SAMD4A: variants seen among roughly 807,000 people sequenced by gnomAD.
SAMD4A encodes the protein sterile alpha motif domain containing 4A.
SAMD4A carries 33 observed loss-of-function variants against 81.3 expected under a neutral mutation model. That is an observed-to-expected ratio of 0.41 (90% confidence interval 0.31 to 0.54). The LOEUF is 0.54. Ranked by LOEUF, SAMD4A falls within the 20% of genes least tolerant of loss-of-function variation. SAMD4A has a pLI of 0.37. For missense variants in SAMD4A, 854 were observed against 951.1 expected (o/e 0.90, Z 1.34); for synonymous variants, 389 against 382.1 (o/e 1.02, Z -0.21).
At chr14:54,579,849 C>G (rs2033415042) in intron 2 of SAMD4A, among the ~76,000 whole-genome samples, 1 of 152,184 alleles carries the variant, frequency 6.6e-6, no homozygotes. Flanking sequence ...TTGACTTTGA[C>G]AAACTAGGAA....
At chr14:54,595,530 A>C (rs1313524842) in intron 2 of SAMD4A, among the ~76,000 whole-genome samples, 1 of 151,618 alleles carries the variant, frequency 6.6e-6, no homozygotes, top group African/African-American at 2.4e-5. Context: ...ATGTCCTTAC[A>C]CTCCTAACTA....
intron 2 of SAMD4A, among the ~76,000 whole-genome samples, chr14:54,647,918 T>C (rs1264852358): frequency 1.3e-5 from 2 of 152,320 alleles, no homozygotes; most frequent in African/African-American, 4.8e-5. Context: ...TTGTATAAAA[T>C]GTTGAGTTGA....
intron 8 of SAMD4A, among the ~76,000 whole-genome samples, chr14:54,766,497 C>T (rs758478384): frequency 3.3e-5 from 5 of 152,256 alleles, no homozygotes; most frequent in Non-Finnish European, 7.4e-5. Context: ...AAACCTGGAG[C>T]CAGAACAGGG....
intron 2 of SAMD4A, among the ~76,000 whole-genome samples, chr14:54,681,329 A>G (rs541601449): frequency 1.3e-5 from 2 of 152,356 alleles, no homozygotes; most frequent in Non-Finnish European, 2.9e-5. Flanking sequence ...TCCACAGATG[A>G]TAGATACTAA....
At chr14:54,701,734 CAG>C (rs959703911) in intron 2 of SAMD4A, among the ~76,000 whole-genome samples, 11 of 152,254 alleles carry the variant, frequency 7.2e-5, no homozygotes, top group Non-Finnish European at 2.9e-5. Flanking sequence ...CCCTGTCTAT[CAG>C]GGGGTAGGCT....
At chr14:54,778,025 G>T (rs2038903769) in intron 11 of SAMD4A, among the ~76,000 whole-genome samples, 1 of 152,134 alleles carries the variant, frequency 6.6e-6, no homozygotes, top group Non-Finnish European at 1.5e-5. Context: ...CAATAAAAAA[G>T]AATCTGGACA....
Position 54,724,007 on chromosome 14 carries a change from T to TGGATGGAAGGAAGGAAGAA in SAMD4A, c.716-13014_716-13013insTGGAAGGAAGGAAGAAGGA, listed in dbSNP as rs1555347506. 1.9e-4 allele frequency among the ~76,000 whole-genome samples: 24 copies of TGGATGGAAGGAAGGAAGAA among 124,252 alleles called. 1 individual carries two copies. The East Asian group carries it at 5.2e-3, about 27-fold the overall frequency. The allele number at this position is 124,252 out of a possible 152,430, so 81.5% of individuals were successfully genotyped here. A position where few individuals can be genotyped will look rare whatever the true frequency, so the allele number is the denominator to read the frequency against. ...AGCAAATATTGGATGGATGGATGGA[T>TGGATGGAAGGAAGGAAGAA]GGAAGGAAGGAAGGAAGGAAGGAAG... On this transcript the variant is annotated intron_variant, in intron 3 of 12. Transcript: ENST00000554335.
intron 2 of SAMD4A, among the ~76,000 whole-genome samples, chr14:54,598,689 C>T (rs958600177): frequency 2.0e-5 from 3 of 152,038 alleles, no homozygotes; most frequent in African/African-American, 7.3e-5. Context: ...CATAAGCTCA[C>T]AGCAAAAAAC....
At chr14:54,645,731 G>C (rs1429682064) in intron 2 of SAMD4A, among the ~76,000 whole-genome samples, 1 of 152,174 alleles carries the variant, frequency 6.6e-6, no homozygotes, top group Non-Finnish European at 1.5e-5. Flanking sequence ...AGTCATTTAA[G>C]GCATTGTTGC....
At chr14:54,757,346 T>C (rs940826433) in intron 6 of SAMD4A, among the ~76,000 whole-genome samples, 8 of 151,730 alleles carry the variant, frequency 5.3e-5, no homozygotes, top group Admixed American at 3.9e-4. Context: ...TTATAGAAAG[T>C]GTCCAACATT....
At chr14:54,783,877 G>C (rs990448881) in intron 11 of SAMD4A, among the ~76,000 whole-genome samples, 18 of 152,226 alleles carry the variant, frequency 1.2e-4, no homozygotes, top group African/African-American at 3.6e-4. Flanking sequence ...GGCACAGGGG[G>C]CAGAGCCATG....
Position 54,784,033 on chromosome 14 carries a change from T to C in SAMD4A, c.2045-504T>C, listed in dbSNP as rs76317096. ...AGGGATAGTGTGGGGGCATGGCTCA[T>C]ACAAGGAACAAAGTCCTTTCCAAGG... On this transcript the variant is annotated intron_variant, in intron 11 of 12. Transcript: ENST00000554335. Among the ~76,000 whole-genome samples the C allele has an allele frequency of 4.7e-3, 714 of 152,230 alleles. 4 individuals carry two copies. Among genetic ancestry groups the C allele is most frequent in the African/African-American group, 0.016 (673 of 41,518 alleles).
At chr14:54,608,037 T>C (rs1289528556) in intron 2 of SAMD4A, among the ~76,000 whole-genome samples, 4 of 140,740 alleles carry the variant, frequency 2.8e-5, no homozygotes, top group East Asian at 4.4e-4. Context: ...AAAAAAAAAA[T>C]TGGAAAAGTA....
chr14:54,699,640 T>A (rs955207935), intron 2 of SAMD4A, among the ~76,000 whole-genome samples: 13 of 152,246 alleles, frequency 8.5e-5, no homozygotes, highest in Admixed American at 2.0e-4. Context: ...ATAATTTGAT[T>A]ATTTAAATAA....
chr14:54,607,331 G>T (rs1000519329), intron 2 of SAMD4A, among the ~76,000 whole-genome samples: 50 of 152,112 alleles, frequency 3.3e-4, no homozygotes, highest in Non-Finnish European at 1.6e-4. Flanking sequence ...GAATGTATTG[G>T]AAAATGCCTC....
At chr14:54,663,012 A>G (rs1321355687) in intron 2 of SAMD4A, among the ~76,000 whole-genome samples, 4 of 152,242 alleles carry the variant, frequency 2.6e-5, no homozygotes, top group Admixed American at 6.5e-5. Context: ...ACAGGGGTCC[A>G]AGTTAATTAA....
At chr14:54,681,624 A>G (rs951993001) in intron 2 of SAMD4A, among the ~76,000 whole-genome samples, 1 of 152,044 alleles carries the variant, frequency 6.6e-6, no homozygotes, top group African/African-American at 2.4e-5. Flanking sequence ...TAGAGATGGT[A>G]TCTCCCTATG....
chr14:54,722,581 T>A (rs2140867150), intron 3 of SAMD4A, among the ~76,000 whole-genome samples: 1 of 152,202 alleles, frequency 6.6e-6, no homozygotes, highest in Admixed American at 6.5e-5. Context: ...AACATTAGGG[T>A]TCTAAGTCTT....
intron 2 of SAMD4A, among the ~76,000 whole-genome samples, chr14:54,609,994 C>G (rs1473339415): frequency 6.6e-6 from 1 of 152,146 alleles, no homozygotes; most frequent in Non-Finnish European, 1.5e-5. Flanking sequence ...ATCAGCGTAC[C>G]TCAGGTGATG....
Sources: allele counts gnomAD v4.1 joint callset (sites outside exome capture counted in the v4.1 genomes callset), GRCh38; gene constraint gnomAD v4.1.1; transcripts MANE v1.5; gene names NCBI Gene and HGNC (gene_info 2026-07-23, HGNC 2026-07-21).